Variants in NXPH1 observed in about 807,000 individuals in gnomAD.
The protein encoded by NXPH1 is neurexophilin 1.
Under a neutral mutation model 23.7 loss-of-function variants are expected in NXPH1, and 5 were observed. The ratio of observed to expected loss-of-function variants is 0.21; its 90% CI spans 0.11 to 0.44. NXPH1 has a LOEUF of 0.44. Ranked by LOEUF, NXPH1 falls within the 20% of genes least tolerant of loss-of-function variation. The probability of loss-of-function intolerance (pLI) is 0.99; values close to 1 mark genes in which losing one functional copy is unlikely to be tolerated. For synonymous variants in NXPH1, 144 were observed against 122.2 expected (o/e 1.18, Z -1.18); for missense variants, 324 against 321.6 (o/e 1.01, Z -0.06).
chr7:8,607,008 T>C (rs1345889729), intron 2 of NXPH1, among the ~76,000 whole-genome samples: 1 of 152,214 alleles, frequency 6.6e-6, no homozygotes, highest in Non-Finnish European at 1.5e-5. Context: ...TTTGGTAATC[T>C]GAGGACATAT....
chr7:8,652,728 A>G (rs576430466), intron 2 of NXPH1, among the ~76,000 whole-genome samples: 1 of 152,100 alleles, frequency 6.6e-6, no homozygotes, highest in East Asian at 1.9e-4. Context: ...TCATTATCAC[A>G]CAGGTATCTT....
At chr7:8,465,782 C>G (rs972312343) in intron 2 of NXPH1, among the ~76,000 whole-genome samples, 1 of 152,214 alleles carries the variant, frequency 6.6e-6, no homozygotes, top group African/African-American at 2.4e-5. Flanking sequence ...TTAGCAATAG[C>G]TGGCTTCATG....
intron 2 of NXPH1, among the ~76,000 whole-genome samples, chr7:8,711,413 G>T (rs997264210): frequency 2.6e-5 from 4 of 152,228 alleles, no homozygotes; most frequent in Admixed American, 1.3e-4. Flanking sequence ...TAACACTGAG[G>T]CAGGCATGTA....
intron 2 of NXPH1, among the ~76,000 whole-genome samples, chr7:8,527,852 G>A (rs1817889766): frequency 6.6e-6 from 1 of 152,206 alleles, no homozygotes; most frequent in Non-Finnish European, 1.5e-5. Context: ...TAGTGTGAGA[G>A]ATGGGAAAAG....
intron 2 of NXPH1, among the ~76,000 whole-genome samples, chr7:8,441,021 G>A (rs1816286771): frequency 6.6e-6 from 1 of 152,228 alleles, no homozygotes; most frequent in Non-Finnish European, 1.5e-5. Flanking sequence ...AAGTTAGGAA[G>A]TGTGCGTTCT....
intron 2 of NXPH1, among the ~76,000 whole-genome samples, chr7:8,580,841 CCTT>C: frequency 6.6e-6 from 1 of 152,198 alleles, no homozygotes; most frequent in East Asian, 1.9e-4. Context: ...AAATCTCTGT[CCTT>C]CTATCAGTGA....
intron 2 of NXPH1, among the ~76,000 whole-genome samples, chr7:8,657,899 G>C (rs112761890): frequency 0.047 from 7,103 of 152,140 alleles, 342 homozygotes; most frequent in East Asian, 0.15. Flanking sequence ...GTGTTAGCAC[G>C]CACCTGTAAT....
chr7:8,644,130 T>C (rs1820359498), intron 2 of NXPH1, among the ~76,000 whole-genome samples: 1 of 152,182 alleles, frequency 6.6e-6, no homozygotes, highest in Non-Finnish European at 1.5e-5. Context: ...CTTTTCTTTC[T>C]GGCCTGGATA....
intron 2 of NXPH1, among the ~76,000 whole-genome samples, chr7:8,463,579 G>A (rs1816729826): frequency 6.6e-6 from 1 of 151,814 alleles, no homozygotes; most frequent in East Asian, 1.9e-4. Flanking sequence ...ATGTATATGA[G>A]AGCTGTTTTT....
At chr7:8,730,417 T>C (rs1389034732) in intron 2 of NXPH1, among the ~76,000 whole-genome samples, 12 of 151,822 alleles carry the variant, frequency 7.9e-5, no homozygotes, top group African/African-American at 1.9e-4. Flanking sequence ...CGTTAGTTGA[T>C]GCAGTTTCTT....
In NXPH1 at chr7:8,728,851, C is replaced by G. The variant is rs555232267; in HGVS notation, c.55-22157C>G. 5.3e-4 allele frequency among the ~76,000 whole-genome samples: 80 copies of G among 152,252 alleles called. 1 individual carries two copies. Among genetic ancestry groups the G allele is most frequent in the Non-Finnish European group, 1.0e-3 (68 of 68,026 alleles). On this transcript the variant is annotated intron_variant, in intron 2 of 2. Transcript: ENST00000405863. ...TTTGGTATCAGGATGATGCTGGCCT[C>G]ATAAAATGAGTTAGGGAGGATTCCC...
At chr7:8,652,853 G>T (rs10235616) in intron 2 of NXPH1, among the ~76,000 whole-genome samples, 1 of 152,144 alleles carries the variant, frequency 6.6e-6, no homozygotes, top group Non-Finnish European at 1.5e-5. Flanking sequence ...ATGGTTAAGA[G>T]ATTTAATTCT....
At chr7:8,682,210 AT>A (rs1821066763) in intron 2 of NXPH1, among the ~76,000 whole-genome samples, 1 of 152,178 alleles carries the variant, frequency 6.6e-6, no homozygotes, top group Admixed American at 6.5e-5. Context: ...TGGGAAAATA[AT>A]TCAGACCTCT....
chr7:8,440,319 G>C (rs1816276496), intron 2 of NXPH1, among the ~76,000 whole-genome samples: 1 of 152,222 alleles, frequency 6.6e-6, no homozygotes, highest in Non-Finnish European at 1.5e-5. Flanking sequence ...ATTTCCAGAA[G>C]GATTATCTTG....
intron 2 of NXPH1, among the ~76,000 whole-genome samples, chr7:8,491,320 A>G (rs1307545666): frequency 2.0e-5 from 3 of 151,974 alleles, no homozygotes; most frequent in Non-Finnish European, 2.9e-5. Context: ...TCCATTTCCA[A>G]TCATTTTGCC....
chr7:8,685,433 A>G (rs1393957963), intron 2 of NXPH1, among the ~76,000 whole-genome samples: 1 of 134,050 alleles, frequency 7.5e-6, no homozygotes, highest in Non-Finnish European at 1.6e-5. Flanking sequence ...AAATAACTGG[A>G]TCTCATTTTT....
intron 2 of NXPH1, among the ~76,000 whole-genome samples, chr7:8,481,183 A>T (rs117556511): frequency 1.5e-4 from 23 of 152,336 alleles, no homozygotes; most frequent in Non-Finnish European, 2.8e-4. Context: ...AGTGATGATT[A>T]TACTGGTCAA....
At chr7:8,551,703 C>T (rs965516992) in intron 2 of NXPH1, among the ~76,000 whole-genome samples, 45 of 151,288 alleles carry the variant, frequency 3.0e-4, no homozygotes, top group African/African-American at 1.0e-3. Flanking sequence ...TGTTTCATTC[C>T]TAAGTCTTAT....
intron 2 of NXPH1, among the ~76,000 whole-genome samples, chr7:8,636,251 G>A (rs569389352): frequency 6.6e-6 from 1 of 152,284 alleles, no homozygotes; most frequent in Non-Finnish European, 1.5e-5. Flanking sequence ...AGTTCCCTGT[G>A]TTTGTCTCTG....
Sources: allele counts gnomAD v4.1 joint callset (sites outside exome capture counted in the v4.1 genomes callset), GRCh38; gene constraint gnomAD v4.1.1; transcripts MANE v1.5; gene names NCBI Gene and HGNC (gene_info 2026-07-23, HGNC 2026-07-21).